The following ARB2A variants were observed in gnomAD, a reference collection of about 807,000 sequenced individuals.
ARB2A encodes cotranscriptional regulator ARB2A.
chr5:93,986,584 G>T, the ARB2A span, among the ~76,000 whole-genome samples: 1 of 152,258 alleles, frequency 6.6e-6, no homozygotes, highest in Admixed American at 6.5e-5. Context: ...GGAAAAGGGG[G>T]AAGTGTGGGG....
At chr5:93,626,789 G>A in the ARB2A span, among the ~76,000 whole-genome samples, 1 of 152,170 alleles carries the variant, frequency 6.6e-6, no homozygotes, top group Non-Finnish European at 1.5e-5. Flanking sequence ...CGATCAGAGT[G>A]ATGATTGCTA....
At chr5:94,081,972 C>T in the ARB2A span, among the ~76,000 whole-genome samples, 1 of 152,170 alleles carries the variant, frequency 6.6e-6, no homozygotes, top group Admixed American at 6.5e-5. Flanking sequence ...GAACTTCTCT[C>T]TTGTAATGTC....
the ARB2A span, among the ~76,000 whole-genome samples, chr5:93,710,254 T>A: frequency 6.6e-6 from 1 of 152,274 alleles, no homozygotes; most frequent in South Asian, 2.1e-4. Flanking sequence ...AGTTTAAAAA[T>A]TTTTAGTTAG....
chr5:93,985,506 C>G, the ARB2A span, among the ~76,000 whole-genome samples: 1 of 152,172 alleles, frequency 6.6e-6, no homozygotes. Context: ...GCGATCTCCA[C>G]TCACTGCAAC....
the ARB2A span, among the ~76,000 whole-genome samples, chr5:94,004,998 C>CAAA: frequency 9.0e-3 from 113 of 12,544 alleles, 6 homozygotes; most frequent in East Asian, 0.029. Context: ...ATTTTATCAG[C>CAAA]AAAAAAAAAA....
the ARB2A span, among the ~76,000 whole-genome samples, chr5:93,883,924 T>TACACACAC: frequency 1.2e-3 from 162 of 133,924 alleles, no homozygotes; most frequent in Admixed American, 4.0e-3. Context: ...CACATACACA[T>TACACACAC]ACACACACAC....
the ARB2A span, among the ~76,000 whole-genome samples, chr5:93,732,090 G>A: frequency 6.6e-6 from 1 of 152,174 alleles, no homozygotes; most frequent in Non-Finnish European, 1.5e-5. Flanking sequence ...TCTAGAGGTA[G>A]CCCCTTCGAT....
At chr5:94,078,511 G>T in the ARB2A span, among the ~76,000 whole-genome samples, 2 of 152,160 alleles carry the variant, frequency 1.3e-5, no homozygotes, top group African/African-American at 2.4e-5. Flanking sequence ...GTTGGTGTGT[G>T]GGCACTGGGA....
At chr5:93,650,346 A>T in the ARB2A span, among the ~76,000 whole-genome samples, 1 of 152,196 alleles carries the variant, frequency 6.6e-6, no homozygotes. Flanking sequence ...GTGATTGCTG[A>T]ACTATAAAGT....
At chr5:93,917,697 A>G in the ARB2A span, among the ~76,000 whole-genome samples, 1 of 152,026 alleles carries the variant, frequency 6.6e-6, no homozygotes, top group African/African-American at 2.4e-5. Context: ...GGGAAACAAA[A>G]TAAGACCTCA....
chr5:93,694,582 A>T, the ARB2A span, among the ~76,000 whole-genome samples: 1 of 152,232 alleles, frequency 6.6e-6, no homozygotes, highest in African/African-American at 2.4e-5. Context: ...ATGGATAGGA[A>T]AAATCAATAT....
chr5:93,641,005 G>A, the ARB2A span, among the ~76,000 whole-genome samples: 7 of 151,918 alleles, frequency 4.6e-5, no homozygotes, highest in Non-Finnish European at 1.0e-4. Flanking sequence ...TTTGAGACCA[G>A]CCTGATCAAC....
At chr5:93,657,868 A>G in the ARB2A span, among the ~76,000 whole-genome samples, 3 of 152,182 alleles carry the variant, frequency 2.0e-5, no homozygotes, top group Admixed American at 6.5e-5. Flanking sequence ...TCTACTACAC[A>G]GTACCCTTGG....
At chr5:93,691,900 C>T in the ARB2A span, among the ~76,000 whole-genome samples, 1 of 152,070 alleles carries the variant, frequency 6.6e-6, no homozygotes, top group Non-Finnish European at 1.5e-5. Flanking sequence ...AATTTTCAAC[C>T]CAGAATTTCA....
the ARB2A span, among the ~76,000 whole-genome samples, chr5:93,816,878 T>G: frequency 2.0e-5 from 3 of 152,262 alleles, no homozygotes; most frequent in Admixed American, 1.3e-4. Context: ...AATTTCCTCT[T>G]AAGATCAGGA....
chr5:93,869,568 T>C, the ARB2A span, among the ~76,000 whole-genome samples: 1 of 152,200 alleles, frequency 6.6e-6, no homozygotes, highest in African/African-American at 2.4e-5. Flanking sequence ...CATTACTTCT[T>C]TTAATTCTAA....
chr5:93,674,620 C>T, the ARB2A span, among the ~76,000 whole-genome samples: 1 of 152,184 alleles, frequency 6.6e-6, no homozygotes, highest in Admixed American at 6.5e-5. Flanking sequence ...TGTTTCAGAA[C>T]TGCTTTCAGA....
chr5:94,013,491 T>C, the ARB2A span, among the ~76,000 whole-genome samples: 9 of 152,142 alleles, frequency 5.9e-5, no homozygotes, highest in Admixed American at 2.0e-4. Flanking sequence ...GTTGTTTCTT[T>C]ATCTGCCATC....
chr5:93,656,749 T>C, the ARB2A span, among the ~76,000 whole-genome samples: 1 of 152,118 alleles, frequency 6.6e-6, no homozygotes, highest in African/African-American at 2.4e-5. Context: ...CAGCACTATA[T>C]GGCAGAGTTT....
Sources: allele counts gnomAD v4.1 joint callset (sites outside exome capture counted in the v4.1 genomes callset), GRCh38; gene constraint gnomAD v4.1.1; transcripts MANE v1.5; gene names NCBI Gene and HGNC (gene_info 2026-07-23, HGNC 2026-07-21).